ZBTB2: variants seen among roughly 807,000 people sequenced by gnomAD.
The protein encoded by ZBTB2 is zinc finger and BTB domain containing 2.
ZBTB2 carries 2 observed loss-of-function variants against 39.5 expected under a neutral mutation model. The ratio of observed to expected loss-of-function variants is 0.05; its 90% CI spans 0.02 to 0.16. The LOEUF (loss-of-function observed/expected upper bound fraction) is 0.16. Among genes scored for constraint, ZBTB2 ranks in the 10% least tolerant of loss-of-function variants. The pLI is 1.00. For synonymous variants in ZBTB2, 251 were observed against 256.6 expected, an observed-to-expected ratio of 0.98 and a Z score of 0.21; for missense variants, 391 against 653.0, an observed-to-expected ratio of 0.60 and a Z score of 4.37.
intron 1 of ZBTB2, among the ~76,000 whole-genome samples, chr6:151,381,805 T>G (rs560999812): frequency 3.9e-5 from 6 of 152,284 alleles, no homozygotes; most frequent in African/African-American, 1.4e-4. Context: ...ACACAAAACA[T>G]TCACAAACCT....
rs748109168 is a variant in ZBTB2 at position 151,366,191 on chromosome 6, G to C, written c.875C>G (p.Pro292Arg). 1 of 1,614,140 alleles carries C rather than the reference G, an allele frequency of 6.2e-7. No homozygotes were observed. The highest frequency in any genetic ancestry group is 1.3e-5 in the African/African-American group (1 of 75,028). ...AGCTGCATTGCTACAGAGAGTCAGG[G>C]GGACGCGACTTTCTCCCTGTTGGCT... ...TSSQQGESRV[P>R]LTLCSNAADL... Residue 292 changes from proline to arginine, a missense_variant, in exon 3 of 3, where the codon CCC becomes CGC. By Grantham distance (103) the Pro-to-Arg change is moderately radical. This residue lies in a region of ZBTB2 where 80 missense variants were observed against 125.2 expected (regional missense o/e 0.64). Coordinates refer to ENST00000325144, the MANE Select transcript of ZBTB2 (RefSeq NM_020861.3). This position sits in a 1 kb window ranked among gnomAD's most constrained non-coding sequence, Gnocchi z 7.1.
chr6:151,368,775 T>G (rs1247646876), intron 2 of ZBTB2, among the ~76,000 whole-genome samples: 2 of 150,352 alleles, frequency 1.3e-5, no homozygotes, highest in Admixed American at 1.3e-4. Flanking sequence ...TTTTTTTTTT[T>G]AATTTTGAGA....
intron 1 of ZBTB2, among the ~76,000 whole-genome samples, chr6:151,385,243 T>G (rs552073470): frequency 6.6e-6 from 1 of 152,210 alleles, no homozygotes; most frequent in Non-Finnish European, 1.5e-5. Context: ...TAAGACATAC[T>G]CATGTTGAAA....
rs1383409753 is a variant in ZBTB2, at chr6:151,364,403, C to A, written c.*1118G>T. 2.0e-5 allele frequency: 3 copies of A among 151,292 alleles called. No homozygotes were observed. The highest frequency in any genetic ancestry group is 1.9e-4 in the East Asian group (1 of 5,150). 9.4% of individuals were successfully genotyped at this position (151,292 alleles called of 1,614,324 possible). The stretch of plus-strand genomic sequence containing the variant: ...TTAAGAAAGAAGAAAGAAAAAAAAA[C>A]AACCAAAAACCTGGAGAATAAACAT... On this transcript the variant is annotated 3_prime_UTR_variant, in exon 3 of 3. Coordinates refer to ENST00000325144, the MANE Select transcript of ZBTB2 (RefSeq NM_020861.3).
At chr6:151,371,804 G>C (rs1312703984) in intron 2 of ZBTB2, among the ~76,000 whole-genome samples, 1 of 152,210 alleles carries the variant, frequency 6.6e-6, no homozygotes. Flanking sequence ...TGGAGAATGG[G>C]TGATGAGGTA....
Position 151,391,548 on chromosome 6 carries a change from T to G in ZBTB2, c.-141A>C, listed in dbSNP as rs973118740. 1 of 146,006 alleles carries G rather than the reference T, an allele frequency of 6.8e-6. No homozygotes were observed. The highest frequency in any genetic ancestry group is 2.1e-4 in the South Asian group (1 of 4,800). 9.0% of individuals were successfully genotyped at this position (146,006 alleles called of 1,614,324 possible). ...CTGCTGCTGCTGCCGCCGCGGTCGG[T>G]GTCTCCGGCGCGGCGGCGGCGGCGG... On this transcript the variant is annotated 5_prime_UTR_variant, in exon 1 of 3. Transcript: ENST00000325144.
intron 1 of ZBTB2, among the ~76,000 whole-genome samples, chr6:151,374,926 C>T (rs144853020): frequency 2.6e-5 from 3 of 117,636 alleles, no homozygotes; most frequent in Admixed American, 1.8e-4. Flanking sequence ...AACCCCGTCT[C>T]TACTAAAAAA....
chr6:151,378,929 G>A (rs993883452), intron 1 of ZBTB2, among the ~76,000 whole-genome samples: 1 of 152,184 alleles, frequency 6.6e-6, no homozygotes, highest in Non-Finnish European at 1.5e-5. Flanking sequence ...ATTTATAAAC[G>A]AGGAAATAGG....
intron 2 of ZBTB2, among the ~76,000 whole-genome samples, chr6:151,367,274 C>T (rs1335230079): frequency 3.9e-5 from 6 of 152,236 alleles, no homozygotes; most frequent in Non-Finnish European, 7.4e-5. Flanking sequence ...GCGCTCACTA[C>T]CACGCCCAGT....
At chr6:151,369,750 A>C (rs1778743714) in intron 2 of ZBTB2, among the ~76,000 whole-genome samples, 1 of 152,190 alleles carries the variant, frequency 6.6e-6, no homozygotes, top group African/African-American at 2.4e-5. Flanking sequence ...AGGTGGGTGG[A>C]TCACCTGGGG....
chr6:151,378,615 T>C (rs1778965404), intron 1 of ZBTB2, among the ~76,000 whole-genome samples: 1 of 152,214 alleles, frequency 6.6e-6, no homozygotes, highest in South Asian at 2.1e-4. Context: ...GAATACTTCC[T>C]TTTGCATCTT....
intron 1 of ZBTB2, among the ~76,000 whole-genome samples, chr6:151,380,882 T>TA (rs1295352909): frequency 2.9e-4 from 44 of 152,144 alleles, no homozygotes; most frequent in Non-Finnish European, 2.2e-4. Flanking sequence ...TTGATTTAGG[T>TA]AAAACTCAAC....
rs1048069304 is a variant in ZBTB2, at chr6:151,372,082, C to T, written c.173+1383G>A. 2.6e-5 allele frequency among the ~76,000 whole-genome samples: 4 copies of T among 152,110 alleles called. No individual in the cohort carries two copies. In the South Asian group the frequency reaches 6.2e-4, roughly 24 times the overall value. On this transcript the variant is annotated intron_variant, in intron 2 of 2. Transcript: ENST00000325144. ...TATAAACTGAAGTTTCCAGCAGAGG[C>T]GAGATCTAGGAAAAAGACACACACC... is the stretch of plus-strand genomic sequence containing the variant.
chr6:151,364,927 T>C lies in ZBTB2; in HGVS notation c.*594A>G, dbSNP rs1345791687. Reference sequence around the variant, plus strand: ...CCAAAAATTAAGATTGCCATCACATTATTACTTTTTCTCCTTTTTGTTTTG... The same window carrying C: ...CCAAAAATTAAGATTGCCATCACATCATTACTTTTTCTCCTTTTTGTTTTG... On this transcript the variant is annotated 3_prime_UTR_variant, in exon 3 of 3. Coordinates refer to ENST00000325144, the MANE Select transcript of ZBTB2 (RefSeq NM_020861.3). 6.5e-6 allele frequency: 1 copy of C among 152,750 alleles called. No homozygotes were observed. Among genetic ancestry groups the C allele is most frequent in the East Asian group, 1.9e-4 (1 of 5,198 alleles). The allele number at this position is 152,750 out of a possible 1,614,324, so 9.5% of individuals were successfully genotyped here.
At chr6:151,369,860 C>G (rs1291454423) in intron 2 of ZBTB2, among the ~76,000 whole-genome samples, 1 of 152,116 alleles carries the variant, frequency 6.6e-6, no homozygotes, top group Non-Finnish European at 1.5e-5. Flanking sequence ...GTAACCCCAG[C>G]TACTGGGATC....
chr6:151,374,481 G>C (rs1360306314), intron 1 of ZBTB2, among the ~76,000 whole-genome samples: 2 of 152,154 alleles, frequency 1.3e-5, no homozygotes. Flanking sequence ...ATAATAGAGA[G>C]GCTGCCTGAC....
At chr6:151,377,891 T>C (rs1305371800) in intron 1 of ZBTB2, 2 of 151,880 alleles carry the variant, frequency 1.3e-5, no homozygotes, top group East Asian at 1.9e-4. Context: ...AAAAAGTGAG[T>C]ATGCTAAACT....
intron 1 of ZBTB2, among the ~76,000 whole-genome samples, 194 bp from the exon 2 acceptor site, chr6:151,373,843 TAAAAAAAAAAA>T (rs200070063): frequency 7.0e-4 from 32 of 45,996 alleles, no homozygotes; most frequent in East Asian, 2.2e-3. Context: ...ATTATGCCTT[TAAAAAAAAAAA>T]AAAAAAAAAA....
chr6:151,379,702 T>C (rs190532439), intron 1 of ZBTB2, among the ~76,000 whole-genome samples: 5 of 98,764 alleles, frequency 5.1e-5, no homozygotes, highest in Admixed American at 5.0e-4. Context: ...ATAAGGAAAA[T>C]AGGCCCTGTG....
Sources: gnomAD v4.1 joint callset for allele counts (sites outside exome capture counted in the v4.1 genomes callset) on GRCh38, gnomAD v4.1.1 for gene constraint, gnomAD v4.1.1 regional missense constraint, Gnocchi (gnomAD v3.1) non-coding constraint, MANE v1.5 for transcripts, NCBI Gene and HGNC (gene_info 2026-07-23, HGNC 2026-07-21) for gene names.